The following ENTREP2 variants were observed in gnomAD, a reference collection of about 807,000 sequenced individuals.
The protein encoded by ENTREP2 is endosomal transmembrane epsin interactor 2.
chr15:29,610,011 GAC>G, the ENTREP2 span: 15 of 150,580 alleles, frequency 1.0e-4, 1 homozygote, highest in East Asian at 3.1e-3. Flanking sequence ...AACAAAAAAA[GAC>G]ACTGATTCAT....
At chr15:29,151,935 C>T in the ENTREP2 span, 66 of 878,770 alleles carry the variant, frequency 7.5e-5, no homozygotes, top group African/African-American at 1.8e-4. Flanking sequence ...GAGCCGAGGT[C>T]GATGACCATC....
the ENTREP2 span, among the ~76,000 whole-genome samples, chr15:29,292,310 C>T: frequency 5.3e-5 from 8 of 151,520 alleles, no homozygotes; most frequent in Non-Finnish European, 1.2e-4. Flanking sequence ...TTTTCTCTTT[C>T]TTCAGTACAT....
the ENTREP2 span, among the ~76,000 whole-genome samples, chr15:29,493,539 C>T: frequency 6.6e-6 from 1 of 152,122 alleles, no homozygotes; most frequent in East Asian, 1.9e-4. Context: ...ATCACTTGAG[C>T]CCAGTAATTC....
At chr15:29,206,252 G>GCAAAAACCC in the ENTREP2 span, among the ~76,000 whole-genome samples, 1 of 152,160 alleles carries the variant, frequency 6.6e-6, no homozygotes, top group Non-Finnish European at 1.5e-5. Flanking sequence ...AGACAAGGCA[G>GCAAAAACCC]TTTTCTGGGA....
chr15:29,262,551 A>G, the ENTREP2 span, among the ~76,000 whole-genome samples: 1 of 152,246 alleles, frequency 6.6e-6, no homozygotes. Flanking sequence ...ACTGCTCAAC[A>G]TGCGGTGGTT....
At chr15:29,465,043 A>T in the ENTREP2 span, among the ~76,000 whole-genome samples, 3 of 152,110 alleles carry the variant, frequency 2.0e-5, no homozygotes, top group African/African-American at 7.2e-5. Flanking sequence ...GGGGCTTTAG[A>T]GGAGGAGCAG....
the ENTREP2 span, among the ~76,000 whole-genome samples, chr15:29,619,335 T>C: frequency 6.6e-6 from 1 of 152,288 alleles, no homozygotes; most frequent in South Asian, 2.1e-4. Context: ...GAGGTTGCAG[T>C]GAGCCTAGGT....
chr15:29,150,848 TA>T, the ENTREP2 span, among the ~76,000 whole-genome samples: 1 of 151,544 alleles, frequency 6.6e-6, no homozygotes, highest in Non-Finnish European at 1.5e-5. Flanking sequence ...ATAAGATGCA[TA>T]AATCATTGCG....
At chr15:29,660,030 G>A in the ENTREP2 span, among the ~76,000 whole-genome samples, 1 of 152,086 alleles carries the variant, frequency 6.6e-6, no homozygotes, top group Non-Finnish European at 1.5e-5. Context: ...TCGAACTACT[G>A]AGCTCAAGCA....
At chr15:29,161,693 C>T in the ENTREP2 span, among the ~76,000 whole-genome samples, 2 of 152,290 alleles carry the variant, frequency 1.3e-5, no homozygotes, top group East Asian at 3.9e-4. Context: ...TCATTGTTCT[C>T]TTCTGAATTG....
chr15:29,358,025 C>T, the ENTREP2 span, among the ~76,000 whole-genome samples: 4 of 152,132 alleles, frequency 2.6e-5, no homozygotes, highest in East Asian at 5.8e-4. Flanking sequence ...GAAAACCATG[C>T]GACATCATTT....
the ENTREP2 span, among the ~76,000 whole-genome samples, chr15:29,199,668 A>G: frequency 6.6e-6 from 1 of 152,222 alleles, no homozygotes; most frequent in Non-Finnish European, 1.5e-5. Context: ...CGGCTTGTAA[A>G]TATTTTCTCA....
chr15:29,443,468 T>C, the ENTREP2 span, among the ~76,000 whole-genome samples: 5 of 152,138 alleles, frequency 3.3e-5, no homozygotes, highest in Non-Finnish European at 7.3e-5. Flanking sequence ...TAAGTAATTA[T>C]ACACTAGCCC....
chr15:29,207,078 G>A, the ENTREP2 span, among the ~76,000 whole-genome samples: 5 of 152,134 alleles, frequency 3.3e-5, no homozygotes, highest in Admixed American at 6.6e-5. Flanking sequence ...TCCTGCAGCA[G>A]TGCCCTCAGC....
chr15:29,286,869 T>C, the ENTREP2 span, among the ~76,000 whole-genome samples: 1 of 152,224 alleles, frequency 6.6e-6, no homozygotes, highest in Admixed American at 6.5e-5. Flanking sequence ...TTGCTCTCCC[T>C]CCTTCTACCA....
chr15:29,298,290 T>C, the ENTREP2 span, among the ~76,000 whole-genome samples: 1 of 151,858 alleles, frequency 6.6e-6, no homozygotes, highest in Non-Finnish European at 1.5e-5. Context: ...GAAGTAAAGC[T>C]GAAAATTAAT....
chr15:29,364,148 C>T, the ENTREP2 span, among the ~76,000 whole-genome samples: 1 of 152,114 alleles, frequency 6.6e-6, no homozygotes, highest in South Asian at 2.1e-4. Flanking sequence ...TGCACCTAAA[C>T]GTATTTTACT....
the ENTREP2 span, among the ~76,000 whole-genome samples, chr15:29,308,132 C>T: frequency 1.3e-5 from 2 of 152,090 alleles, no homozygotes; most frequent in African/African-American, 2.4e-5. Context: ...AAACTCTGAC[C>T]TCAACAATTA....
chr15:29,467,224 A>G, the ENTREP2 span, among the ~76,000 whole-genome samples: 1 of 152,120 alleles, frequency 6.6e-6, no homozygotes, highest in Non-Finnish European at 1.5e-5. Flanking sequence ...GAAAAGGAGA[A>G]ATCGAGATGC....
Sources: gnomAD v4.1 joint callset for allele counts (sites outside exome capture counted in the v4.1 genomes callset) on GRCh38, gnomAD v4.1.1 for gene constraint, MANE v1.5 for transcripts, NCBI Gene and HGNC (gene_info 2026-07-23, HGNC 2026-07-21) for gene names.